CNTN5: variants seen among roughly 807,000 people sequenced by gnomAD.
The protein encoded by CNTN5 is contactin-5.
In CNTN5, 77 loss-of-function variants were observed where a neutral mutation model predicts 129.1. The ratio of observed to expected loss-of-function variants is 0.60; its 90% CI spans 0.50 to 0.72. The LOEUF (loss-of-function observed/expected upper bound fraction) is 0.72. Among genes scored for constraint, CNTN5 ranks in the 30% least tolerant of loss-of-function variants. The pLI is 0.00. For synonymous variants in CNTN5, 509 were observed against 465.6 expected, an observed-to-expected ratio of 1.09 and a Z score of -1.20; for missense variants, 1,478 against 1,328.8, an observed-to-expected ratio of 1.11 and a Z score of -1.75.
At chr11:99,167,262 A>T (rs560362976) in intron 1 of CNTN5, among the ~76,000 whole-genome samples, 2 of 152,224 alleles carry the variant, frequency 1.3e-5, no homozygotes, top group South Asian at 4.2e-4. Flanking sequence ...ATTCCTACAA[A>T]CTGACTCATA....
intron 8 of CNTN5, among the ~76,000 whole-genome samples, chr11:99,965,410 G>GTTAT (rs1309056592): frequency 2.0e-5 from 3 of 152,006 alleles, no homozygotes; most frequent in Admixed American, 1.3e-4. Context: ...CCTTCATTTC[G>GTTAT]TTATGTACCC....
intron 2 of CNTN5, among the ~76,000 whole-genome samples, chr11:99,543,544 G>A (rs573595173): frequency 6.6e-6 from 1 of 152,234 alleles, no homozygotes; most frequent in East Asian, 1.9e-4. Context: ...GATTGTGTGA[G>A]TCAATCACAA....
chr11:99,819,291 T>C, intron 3 of CNTN5, among the ~76,000 whole-genome samples: 3 of 81,908 alleles, frequency 3.7e-5, no homozygotes, highest in African/African-American at 5.4e-5. Context: ...TTCCCTCTCC[T>C]CTCCTCCCCT....
At chr11:99,253,897 T>TTTTATATATATATATATATATA (rs376157994) in intron 1 of CNTN5, among the ~76,000 whole-genome samples, 2 of 139,060 alleles carry the variant, frequency 1.4e-5, no homozygotes, top group African/African-American at 5.3e-5. Context: ...AAATATACGT[T>TTTTATATATATATATATATATA]TATATATATA....
chr11:100,095,337 A>T lies in CNTN5; in HGVS notation c.1580+21043A>T, dbSNP rs754754847. 3.3e-5 allele frequency among the ~76,000 whole-genome samples: 5 copies of T among 152,104 alleles called. No individual in the cohort carries two copies. In the South Asian group the frequency reaches 8.3e-4, roughly 25 times the overall value. On this transcript the variant is annotated intron_variant, in intron 13 of 24. Coordinates refer to ENST00000524871, the MANE Select transcript of CNTN5 (RefSeq NM_014361.4). Reference sequence around the variant, plus strand: ...ACTGTTTTTGAGGGGAAGAAATTAAAGTATGTTTTTGAGTGGAAGAAACTA... The same window carrying T: ...ACTGTTTTTGAGGGGAAGAAATTAATGTATGTTTTTGAGTGGAAGAAACTA...
intron 4 of CNTN5, chr11:99,844,456 T>G: frequency 3.7e-6 from 1 of 270,510 alleles, no homozygotes; most frequent in Non-Finnish European, 7.1e-6. Flanking sequence ...GACACAATAT[T>G]AATATATTAC....
At chr11:100,071,595 T>C (rs1183669748) in intron 11 of CNTN5, 110 bp from the exon 12 acceptor site, 9 of 680,412 alleles carry the variant, frequency 1.3e-5, no homozygotes, top group Non-Finnish European at 1.6e-5. Context: ...CCAAATAATG[T>C]TTAACTGTAT....
chr11:99,407,034 G>A (rs1217696648), intron 2 of CNTN5, among the ~76,000 whole-genome samples: 1 of 151,920 alleles, frequency 6.6e-6, no homozygotes, highest in Admixed American at 6.6e-5. Flanking sequence ...CCTGTTTGGT[G>A]TTCTATCCCC....
chr11:100,237,624 A>G (rs759123784), intron 16 of CNTN5, among the ~76,000 whole-genome samples: 28 of 152,222 alleles, frequency 1.8e-4, no homozygotes, highest in Non-Finnish European at 3.8e-4. Flanking sequence ...CTAATGAGTT[A>G]CAGCAAGTGA....
At chr11:99,569,515 T>C (rs1031944647) in intron 3 of CNTN5, among the ~76,000 whole-genome samples, 8 of 152,130 alleles carry the variant, frequency 5.3e-5, no homozygotes, top group Non-Finnish European at 8.8e-5. Flanking sequence ...GGTTTCATCA[T>C]GTTGGCCAGG....
At chr11:99,253,897 T>TTATATATATATATATATATATATATA (rs67720359) in intron 1 of CNTN5, among the ~76,000 whole-genome samples, 3 of 139,058 alleles carry the variant, frequency 2.2e-5, no homozygotes, top group African/African-American at 8.0e-5. Context: ...AAATATACGT[T>TTATATATATATATATATATATATATA]TATATATATA....
At chr11:100,108,518 T>C (rs1173874553) in intron 13 of CNTN5, among the ~76,000 whole-genome samples, 2 of 152,136 alleles carry the variant, frequency 1.3e-5, no homozygotes, top group East Asian at 3.9e-4. Context: ...CTATATAATA[T>C]TTCAGCTCAT....
At chr11:99,855,844 A>G (rs1659370333) in intron 6 of CNTN5, among the ~76,000 whole-genome samples, 1 of 152,198 alleles carries the variant, frequency 6.6e-6, no homozygotes, top group South Asian at 2.1e-4. Context: ...AAGGTATACA[A>G]TTTCTAGAAA....
chr11:99,993,691 C>A (rs991982670), intron 8 of CNTN5, among the ~76,000 whole-genome samples: 1 of 152,078 alleles, frequency 6.6e-6, no homozygotes, highest in African/African-American at 2.4e-5. Flanking sequence ...TGCTGTGCAG[C>A]CTGGTTCCTA....
At chr11:99,980,661 A>C (rs1591518779) in intron 8 of CNTN5, among the ~76,000 whole-genome samples, 3 of 152,298 alleles carry the variant, frequency 2.0e-5, no homozygotes, top group Admixed American at 2.0e-4. Context: ...GCTGCCTTTT[A>C]ATATGAATAT....
In CNTN5 at chr11:99,573,869, T is replaced by C. The variant is rs955317644; in HGVS notation, c.55+17600T>C. On this transcript the variant is annotated intron_variant, in intron 3 of 24. Transcript: ENST00000524871. ...TCCAAGACATGTTCTTCTACCACCG[T>C]CACACGTTTCAATTCTTAAAAGAAA... is the stretch of plus-strand genomic sequence containing the variant. Among the ~76,000 whole-genome samples, 34 of 152,262 alleles carry C rather than the reference T, an allele frequency of 2.2e-4. 1 individual carries two copies. The Middle Eastern group carries it at 0.014, about 61-fold the overall frequency.
Position 99,393,324 on chromosome 11 carries a change from A to G in CNTN5, c.-71+67840A>G, listed in dbSNP as rs141571050. Among the ~76,000 whole-genome samples the G allele has an allele frequency of 6.8e-4, 103 of 151,992 alleles. No homozygotes were observed. In the East Asian group the frequency reaches 0.013, roughly 18 times the overall value. Reference sequence around the variant, plus strand: ...AAGATAAAACAAGCATGGATTGGAGACAGAACCAGTAGGTTGGTGGTAAAT... The same window carrying G: ...AAGATAAAACAAGCATGGATTGGAGGCAGAACCAGTAGGTTGGTGGTAAAT... On this transcript the variant is annotated intron_variant, in intron 2 of 24. Transcript: ENST00000524871.
chr11:100,252,361 A>T (rs1425010635), intron 16 of CNTN5, among the ~76,000 whole-genome samples: 3 of 151,946 alleles, frequency 2.0e-5, no homozygotes, highest in African/African-American at 7.2e-5. Flanking sequence ...CCATTCTGCG[A>T]GTTGTCCTTT....
intron 3 of CNTN5, among the ~76,000 whole-genome samples, chr11:99,628,679 A>AT (rs1048001346): frequency 1.5e-5 from 2 of 135,484 alleles, no homozygotes; most frequent in African/African-American, 5.2e-5. Flanking sequence ...ATTTATCAAC[A>AT]TTGAATATAA....
Sources: gnomAD v4.1 joint callset for allele counts (sites outside exome capture counted in the v4.1 genomes callset) on GRCh38, gnomAD v4.1.1 for gene constraint, MANE v1.5 for transcripts, NCBI Gene and HGNC (gene_info 2026-07-23, HGNC 2026-07-21) for gene names.